The following PDE4B variants were observed in gnomAD, a reference collection of about 807,000 sequenced individuals.
PDE4B encodes the protein phosphodiesterase 4B, also known as 3',5'-cyclic-AMP phosphodiesterase 4B.
A neutral mutation model predicts 82.2 loss-of-function variants in PDE4B; 20 were observed. That is an observed-to-expected ratio of 0.24 (90% confidence interval 0.17 to 0.35). The LOEUF (loss-of-function observed/expected upper bound fraction) is 0.35. Among genes scored for constraint, PDE4B ranks in the 10% least tolerant of loss-of-function variants. The pLI is 1.00. For synonymous variants in PDE4B, 320 were observed against 318.9 expected, an observed-to-expected ratio of 1.00 and a Z score of -0.04; for missense variants, 655 against 907.2, an observed-to-expected ratio of 0.72 and a Z score of 3.57.
chr1:66,192,030 C>T (rs1451698929), intron 3 of PDE4B, among the ~76,000 whole-genome samples: 2 of 152,014 alleles, frequency 1.3e-5, no homozygotes, highest in Non-Finnish European at 2.9e-5. Context: ...CACAGCCAAA[C>T]CATATCAGAA....
chr1:66,236,705 G>A (rs913013071), intron 3 of PDE4B, among the ~76,000 whole-genome samples: 4 of 152,136 alleles, frequency 2.6e-5, no homozygotes, highest in African/African-American at 9.7e-5. Flanking sequence ...CAGAAGGGTA[G>A]ACCATGAGTA....
At chr1:66,028,572 C>A (rs1457010794) in intron 3 of PDE4B, among the ~76,000 whole-genome samples, 1 of 152,180 alleles carries the variant, frequency 6.6e-6, no homozygotes, top group Non-Finnish European at 1.5e-5. Context: ...AGTCAGGCTG[C>A]AAATTTTCCA....
chr1:66,295,534 T>C (rs915975473), intron 7 of PDE4B, among the ~76,000 whole-genome samples: 1 of 152,200 alleles, frequency 6.6e-6, no homozygotes, highest in African/African-American at 2.4e-5. Flanking sequence ...GTTCAAACAA[T>C]TCTCCTGGCT....
Position 66,357,450 on chromosome 1 carries a change from C to T in PDE4B, c.841+1830C>T, listed in dbSNP as rs952543186. ...AATTTAAAAAGATGCTAAATATGAG[C>T]GCTGAGTCTCAACACTGTCTCAAGA... is the stretch of plus-strand genomic sequence containing the variant. On this transcript the variant is annotated intron_variant, in intron 9 of 16. Coordinates refer to ENST00000341517, the MANE Select transcript of PDE4B (RefSeq NM_002600.4). Among the ~76,000 whole-genome samples, 6 of 151,956 alleles carry T rather than the reference C, an allele frequency of 3.9e-5. No individual in the cohort carries two copies. In the South Asian group the frequency reaches 6.2e-4, roughly 16 times the overall value.
chr1:66,002,703 G>A (rs1413278986), intron 3 of PDE4B, among the ~76,000 whole-genome samples: 2 of 151,960 alleles, frequency 1.3e-5, no homozygotes, highest in East Asian at 3.9e-4. Flanking sequence ...TTTGTTTTAT[G>A]TGACTTCATC....
intron 3 of PDE4B, among the ~76,000 whole-genome samples, chr1:66,095,404 CT>C (rs1416560780): frequency 6.6e-6 from 1 of 151,748 alleles, no homozygotes; most frequent in Non-Finnish European, 1.5e-5. Context: ...GGCGCAATTA[CT>C]GTAATTCTGG....
At chr1:65,823,235 A>G (rs1316980891) in intron 1 of PDE4B, among the ~76,000 whole-genome samples, 1 of 151,816 alleles carries the variant, frequency 6.6e-6, no homozygotes, top group African/African-American at 2.4e-5. Flanking sequence ...GTCTCTACTA[A>G]AAATACAAAA....
chr1:66,268,228 T>G (rs1274130342), intron 7 of PDE4B, among the ~76,000 whole-genome samples: 2 of 152,240 alleles, frequency 1.3e-5, no homozygotes, highest in Non-Finnish European at 2.9e-5. Flanking sequence ...AAATGCTTTA[T>G]TATTTTGAAC....
intron 3 of PDE4B, among the ~76,000 whole-genome samples, chr1:66,018,410 ACT>A (rs1652900991): frequency 6.6e-6 from 1 of 152,014 alleles, no homozygotes; most frequent in Non-Finnish European, 1.5e-5. Flanking sequence ...ACAGGGTGAG[ACT>A]CTGTCTCACA....
chr1:65,939,050 G>A (rs1230787400), intron 3 of PDE4B, among the ~76,000 whole-genome samples: 1 of 152,148 alleles, frequency 6.6e-6, no homozygotes, highest in African/African-American at 2.4e-5. Flanking sequence ...AGAATGGTTA[G>A]AGGAGGACAT....
intron 3 of PDE4B, among the ~76,000 whole-genome samples, chr1:66,214,913 T>C (rs1268606931): frequency 6.6e-6 from 1 of 152,012 alleles, no homozygotes; most frequent in Non-Finnish European, 1.5e-5. Flanking sequence ...TTGGAAGAAG[T>C]AAATAGCAAT....
At chr1:66,332,665 A>C in intron 8 of PDE4B, 45 bp downstream of exon 8, 1 of 1,539,880 alleles carries the variant, frequency 6.5e-7, no homozygotes. Context: ...TCATGCAGGG[A>C]GCTCCAGCTC....
intron 7 of PDE4B, among the ~76,000 whole-genome samples, chr1:66,302,913 A>T (rs1658003040): frequency 6.6e-6 from 1 of 151,954 alleles, no homozygotes; most frequent in African/African-American, 2.4e-5. Context: ...TCTGTGTGTA[A>T]CTCCTTCAGT....
chr1:66,297,861 G>A (rs1379907997), intron 7 of PDE4B, among the ~76,000 whole-genome samples: 1 of 152,110 alleles, frequency 6.6e-6, no homozygotes, highest in Non-Finnish European at 1.5e-5. Flanking sequence ...AGGTAGTAAA[G>A]TTAAATGATC....
chr1:65,927,727 G>A (rs1647587049), intron 3 of PDE4B, among the ~76,000 whole-genome samples: 1 of 151,908 alleles, frequency 6.6e-6, no homozygotes, highest in African/African-American at 2.4e-5. Context: ...CCAGGGATGC[G>A]ATATTGTTTT....
chr1:66,207,407 A>T (rs1306248807), intron 3 of PDE4B, among the ~76,000 whole-genome samples: 1 of 152,202 alleles, frequency 6.6e-6, no homozygotes, highest in Non-Finnish European at 1.5e-5. Flanking sequence ...GATGTTGTAA[A>T]TATTTATGAC....
At chr1:66,101,047 G>C (rs569791288) in intron 3 of PDE4B, among the ~76,000 whole-genome samples, 1 of 152,110 alleles carries the variant, frequency 6.6e-6, no homozygotes, top group African/African-American at 2.4e-5. Context: ...TGTTGTCATT[G>C]TTCAATTTCC....
At chr1:66,006,382 C>G (rs1290313022) in intron 3 of PDE4B, among the ~76,000 whole-genome samples, 3 of 152,100 alleles carry the variant, frequency 2.0e-5, no homozygotes, top group Non-Finnish European at 4.4e-5. Flanking sequence ...GAGCTTTAAT[C>G]TGGGTAAGGA....
At chr1:66,152,134 A>G (rs934715779) in intron 3 of PDE4B, among the ~76,000 whole-genome samples, 132 of 152,210 alleles carry the variant, frequency 8.7e-4, no homozygotes, top group Non-Finnish European at 5.7e-4. Context: ...GTTTTGATAC[A>G]TAATTACACT....
Sources: allele counts gnomAD v4.1 joint callset (sites outside exome capture counted in the v4.1 genomes callset), GRCh38; gene constraint gnomAD v4.1.1; transcripts MANE v1.5; gene names NCBI Gene and HGNC (gene_info 2026-07-23, HGNC 2026-07-21).